Variants in BCKDHB observed in about 807,000 individuals in gnomAD.
BCKDHB encodes the protein branched chain keto acid dehydrogenase E1 subunit beta.
Under a neutral mutation model 48.5 loss-of-function variants are expected in BCKDHB, and 41 were observed. The observed-to-expected ratio is 0.85, with a 90% CI of 0.66 to 1.10. The LOEUF is 1.10. BCKDHB is among the 50% of genes least tolerant of loss of function. The pLI is 0.00. For missense variants in BCKDHB, 496 were observed against 494.2 expected (o/e 1.00, Z -0.03); for synonymous variants, 201 against 174.8 (o/e 1.15, Z -1.18).
intron 3 of BCKDHB, among the ~76,000 whole-genome samples, chr6:80,143,212 G>A (rs1228506997): frequency 6.6e-6 from 1 of 152,082 alleles, no homozygotes; most frequent in Admixed American, 6.6e-5. Flanking sequence ...CAGCTGTATG[G>A]CAACTTCACG....
intron 3 of BCKDHB, among the ~76,000 whole-genome samples, chr6:80,149,952 C>T (rs149804245): frequency 0.013 from 1,888 of 149,650 alleles, 18 homozygotes; most frequent in Non-Finnish European, 0.02. Context: ...ACATTGTGCA[C>T]ATGTACCCTA....
At chr6:80,413,266 G>A in the BCKDHB span, among the ~76,000 whole-genome samples, 1 of 151,970 alleles carries the variant, frequency 6.6e-6, no homozygotes, top group Non-Finnish European at 1.5e-5. Context: ...ATAAATTTAA[G>A]CTCACCGTAA....
At chr6:80,146,174 G>A (rs1458608706) in intron 3 of BCKDHB, among the ~76,000 whole-genome samples, 1 of 152,100 alleles carries the variant, frequency 6.6e-6, no homozygotes, top group African/African-American at 2.4e-5. Context: ...TGATTCAAAT[G>A]TGCGGCCAAG....
intron 9 of BCKDHB, among the ~76,000 whole-genome samples, chr6:80,280,749 C>T (rs910612941): frequency 6.6e-6 from 1 of 152,146 alleles, no homozygotes; most frequent in South Asian, 2.1e-4. Flanking sequence ...GTCCTTGTGA[C>T]TCATTACTGT....
At chr6:80,464,397 G>A in the BCKDHB span, among the ~76,000 whole-genome samples, 2 of 152,096 alleles carry the variant, frequency 1.3e-5, no homozygotes, top group African/African-American at 4.8e-5. Flanking sequence ...AAAGTGCTGG[G>A]ATTGCAGGTG....
Position 80,344,363 on chromosome 6 carries a change from T to C in BCKDHB, c.*559T>C, listed in dbSNP as rs867371647. The C allele has an allele frequency of 1.9e-5, 2 of 106,948 alleles. No individual in the cohort carries two copies. Among genetic ancestry groups the C allele is most frequent in the African/African-American group, 3.6e-5 (1 of 27,672 alleles). The allele number at this position is 106,948 out of a possible 1,614,324, so 6.6% of individuals were successfully genotyped here. A position where few individuals can be genotyped will look rare whatever the true frequency, so the allele number is the denominator to read the frequency against. On this transcript the variant is annotated 3_prime_UTR_variant, in exon 10 of 10. Transcript: ENST00000320393. ...TGTATATGTGATTTTTTTTTTTTTTTTGAGACCGAGTCTCACTCTGTCACC... is the reference window on the plus strand; with the variant it reads ...TGTATATGTGATTTTTTTTTTTTTTCTGAGACCGAGTCTCACTCTGTCACC...
chr6:80,457,346 C>T, the BCKDHB span, among the ~76,000 whole-genome samples: 1 of 152,162 alleles, frequency 6.6e-6, no homozygotes. Flanking sequence ...AATGCTGACA[C>T]CAGCAGAAAA....
intron 9 of BCKDHB, among the ~76,000 whole-genome samples, chr6:80,343,300 G>A (rs1329810370): frequency 6.6e-6 from 1 of 152,168 alleles, no homozygotes; most frequent in African/African-American, 2.4e-5. Flanking sequence ...AACAGAAAAT[G>A]AGAAGGTATA....
intron 6 of BCKDHB, among the ~76,000 whole-genome samples, chr6:80,180,996 G>A (rs995350367): frequency 8.5e-5 from 13 of 152,090 alleles, no homozygotes; most frequent in Non-Finnish European, 1.9e-4. Flanking sequence ...AAAAATAGCA[G>A]TTCCTTACCT....
At chr6:80,227,895 AC>A (rs1326525231) in intron 8 of BCKDHB, among the ~76,000 whole-genome samples, 1 of 152,148 alleles carries the variant, frequency 6.6e-6, no homozygotes, top group East Asian at 1.9e-4. Flanking sequence ...GAAAGAACCC[AC>A]TGTAGGGGGT....
chr6:80,325,246 CTGAT>C lies in BCKDHB; in HGVS notation c.1039-18417_1039-18414del, dbSNP rs372983239. Among the ~76,000 whole-genome samples, 289 of 152,300 alleles carry C rather than the reference CTGAT, an allele frequency of 1.9e-3. 1 individual carries two copies. Among genetic ancestry groups the C allele is most frequent in the African/African-American group, 6.5e-3 (271 of 41,572 alleles). On this transcript the variant is annotated intron_variant, in intron 9 of 9. Coordinates refer to ENST00000320393, the MANE Select transcript of BCKDHB (RefSeq NM_183050.4). ...AGCAGTCTGTAGCACATCTTACTGA[CTGAT>C]CCTTTTTTGAAAAAATCATTACTTC...
intron 3 of BCKDHB, among the ~76,000 whole-genome samples, chr6:80,152,496 T>C (rs1892475): frequency 0.63 from 95,268 of 151,908 alleles, 30,191 homozygotes; most frequent in South Asian, 0.76. Flanking sequence ...AAATGAGAGT[T>C]TAATTTAAGC....
chr6:80,233,455 T>C (rs1776017691), intron 8 of BCKDHB, among the ~76,000 whole-genome samples: 1 of 152,172 alleles, frequency 6.6e-6, no homozygotes, highest in African/African-American at 2.4e-5. Context: ...CACATTCTTT[T>C]ATATGTTGGG....
chr6:80,434,366 C>T, the BCKDHB span, among the ~76,000 whole-genome samples: 1 of 151,144 alleles, frequency 6.6e-6, no homozygotes, highest in African/African-American at 2.4e-5. Context: ...TAATACTCTA[C>T]AAAGTAGAGT....
At chr6:80,185,823 T>C (rs1417369140) in intron 6 of BCKDHB, among the ~76,000 whole-genome samples, 2 of 152,144 alleles carry the variant, frequency 1.3e-5, no homozygotes, top group Non-Finnish European at 2.9e-5. Flanking sequence ...CCAGTATAGG[T>C]GGCAAGGGAG....
At chr6:80,284,666 C>G (rs925248670) in intron 9 of BCKDHB, among the ~76,000 whole-genome samples, 1 of 152,022 alleles carries the variant, frequency 6.6e-6, no homozygotes, top group African/African-American at 2.4e-5. Flanking sequence ...CATGACTGTT[C>G]TTTAAAGGGG....
chr6:80,155,996 C>A (rs1366356685), intron 3 of BCKDHB, among the ~76,000 whole-genome samples: 1 of 151,678 alleles, frequency 6.6e-6, no homozygotes, highest in Non-Finnish European at 1.5e-5. Flanking sequence ...ACTTTCCCCC[C>A]CAACTTAGTC....
intron 1 of BCKDHB, among the ~76,000 whole-genome samples, chr6:80,110,855 T>C (rs1176249295): frequency 6.6e-6 from 1 of 152,210 alleles, no homozygotes; most frequent in African/African-American, 2.4e-5. Flanking sequence ...CTAGGGGTCT[T>C]TAAGCTGTAT....
intron 9 of BCKDHB, among the ~76,000 whole-genome samples, chr6:80,283,762 G>T (rs778287431): frequency 2.0e-5 from 3 of 151,842 alleles, no homozygotes; most frequent in African/African-American, 4.8e-5. Flanking sequence ...TTCTTATTTG[G>T]TATGAAATGA....
Sources: gnomAD v4.1 joint callset for allele counts (sites outside exome capture counted in the v4.1 genomes callset) on GRCh38, gnomAD v4.1.1 for gene constraint, MANE v1.5 for transcripts, NCBI Gene and HGNC (gene_info 2026-07-23, HGNC 2026-07-21) for gene names.